Variants in SREK1IP1 observed in about 807,000 individuals in gnomAD.
The protein encoded by SREK1IP1 is SREK1 interacting protein 1, also known as protein SREK1IP1.
Under a neutral mutation model 22.8 loss-of-function variants are expected in SREK1IP1, and 12 were observed. That is an observed-to-expected ratio of 0.53 (90% confidence interval 0.34 to 0.85). The LOEUF (loss-of-function observed/expected upper bound fraction) is 0.85. Among genes scored for constraint, SREK1IP1 ranks in the 40% least tolerant of loss-of-function variants. The probability of loss-of-function intolerance (pLI) is 0.02; values close to 1 mark genes in which losing one functional copy is unlikely to be tolerated. For synonymous variants in SREK1IP1, 53 were observed against 52.7 expected (o/e 1.01, Z -0.02); for missense variants, 147 against 171.8 (o/e 0.86, Z 0.81).
chr5:64,759,836 A>C (rs1742914167), intron 1 of SREK1IP1, among the ~76,000 whole-genome samples: 1 of 152,174 alleles, frequency 6.6e-6, no homozygotes, highest in Non-Finnish European at 1.5e-5. Context: ...AAAGATTGAA[A>C]GGTTGAAGGA....
chr5:64,758,240 C>A (rs1043838634), intron 1 of SREK1IP1, among the ~76,000 whole-genome samples: 19 of 152,182 alleles, frequency 1.2e-4, no homozygotes, highest in Non-Finnish European at 5.9e-5. Flanking sequence ...GTGATCTCAG[C>A]AAACTGCAAC....
chr5:64,758,981 C>T (rs1391526880), intron 1 of SREK1IP1, among the ~76,000 whole-genome samples: 1 of 152,116 alleles, frequency 6.6e-6, no homozygotes, highest in Non-Finnish European at 1.5e-5. Flanking sequence ...ATGCTTCTAC[C>T]CAAGAGTTTG....
At chr5:64,740,714 C>G (rs6449751) in intron 3 of SREK1IP1, among the ~76,000 whole-genome samples, 94,012 of 152,032 alleles carry the variant, frequency 0.62, 30,696 homozygotes, top group African/African-American at 0.84. Flanking sequence ...ATGGTTAAGT[C>G]ACTTGGTGAA....
intron 2 of SREK1IP1, among the ~76,000 whole-genome samples, chr5:64,745,251 T>G (rs1451164596): frequency 6.6e-6 from 1 of 152,156 alleles, no homozygotes; most frequent in Non-Finnish European, 1.5e-5. Context: ...TGGAGCAGAA[T>G]GGTGGGCTTT....
intron 1 of SREK1IP1, among the ~76,000 whole-genome samples, chr5:64,759,392 T>C (rs1185476655): frequency 6.6e-6 from 1 of 152,200 alleles, no homozygotes; most frequent in African/African-American, 2.4e-5. Context: ...TCCCGTGCAG[T>C]TCTTGGCTCC....
intron 1 of SREK1IP1, among the ~76,000 whole-genome samples, chr5:64,762,416 G>C (rs542724923): frequency 8.5e-5 from 13 of 152,080 alleles, no homozygotes; most frequent in African/African-American, 3.1e-4. Flanking sequence ...AACCTATAAA[G>C]ACAATTTCAA....
Position 64,752,144 on chromosome 5 carries a change from G to GTTTTTTT in SREK1IP1, c.61+2170_61+2171insAAAAAAA, listed in dbSNP as rs755420855. On this transcript the variant is annotated intron_variant, in intron 2 of 4. Transcript: ENST00000513458. ...CTCTTTTTCTGTGAATTTTTTTTGT[G>GTTTTTTT]TGTTTTTTTTTTTTTTTTTTTTTTT... Among the ~76,000 whole-genome samples, 31 of 85,442 alleles carry GTTTTTTT rather than the reference G, an allele frequency of 3.6e-4. 3 individuals are homozygous for GTTTTTTT. Among genetic ancestry groups the GTTTTTTT allele is most frequent in the East Asian group, 6.7e-4 (2 of 2,994 alleles). The allele number at this position is 85,442 out of a possible 152,430, so 56.1% of individuals were successfully genotyped here. A position where few individuals can be genotyped will look rare whatever the true frequency, so the allele number is the denominator to read the frequency against.
chr5:64,754,253 C>A (rs1561390695), intron 2 of SREK1IP1, 62 bp downstream of exon 2: 10 of 1,523,672 alleles, frequency 6.6e-6, no homozygotes, highest in Non-Finnish European at 9.1e-6. Context: ...CATTATATTG[C>A]CCAAAGAGGC....
intron 2 of SREK1IP1, among the ~76,000 whole-genome samples, chr5:64,744,923 T>C (rs1467764651): frequency 1.3e-5 from 2 of 152,308 alleles, no homozygotes; most frequent in East Asian, 3.9e-4. Context: ...ACTATACGCA[T>C]TCTTGCTTCT....
chr5:64,753,561 T>C (rs1742785001), intron 2 of SREK1IP1, among the ~76,000 whole-genome samples: 1 of 152,212 alleles, frequency 6.6e-6, no homozygotes, highest in Non-Finnish European at 1.5e-5. Flanking sequence ...TGGAGATTTA[T>C]GCCGAGTACT....
Position 64,741,174 on chromosome 5 carries a change from T to G in SREK1IP1, c.88A>C (p.Asn30His). 6.2e-7 allele frequency: 1 copy of G among 1,611,534 alleles called. No homozygotes were observed. The highest frequency in any genetic ancestry group is 1.1e-5 in the South Asian group (1 of 90,742). Residue 30 changes from asparagine (N) to histidine (H), a missense_variant, in exon 3 of 5, where the codon AAT (asparagine) becomes CAT (histidine). This residue lies in a region of SREK1IP1 where 62 missense variants were observed against 73.3 expected (regional missense o/e 0.85). Coordinates refer to ENST00000513458, the MANE Select transcript of SREK1IP1 (RefSeq NM_173829.4). Reference sequence around the variant, plus strand: ...CTTTTAGGGTCTACTCGGAGAAAATTGCGGCATTCAAAAGTCAGGTGACCA... The same window carrying G: ...CTTTTAGGGTCTACTCGGAGAAAATGGCGGCATTCAAAAGTCAGGTGACCA... Reference protein sequence around the residue: ...YPGHLTFECRNFLRVDPKRDI... With the variant: ...YPGHLTFECRHFLRVDPKRDI...
At chr5:64,760,265 A>T (rs1383560007) in intron 1 of SREK1IP1, among the ~76,000 whole-genome samples, 3 of 152,254 alleles carry the variant, frequency 2.0e-5, no homozygotes, top group Non-Finnish European at 4.4e-5. Flanking sequence ...GAGCACTGTC[A>T]TCTGGGACAA....
intron 1 of SREK1IP1, among the ~76,000 whole-genome samples, chr5:64,766,710 A>G (rs1743037628): frequency 6.6e-6 from 1 of 152,356 alleles, no homozygotes; most frequent in South Asian, 2.1e-4. Flanking sequence ...TGAATGAAGT[A>G]CACAGTCTAG....
intron 2 of SREK1IP1, among the ~76,000 whole-genome samples, chr5:64,745,277 T>C (rs1034345706): frequency 2.6e-5 from 4 of 152,170 alleles, no homozygotes; most frequent in Non-Finnish European, 5.9e-5. Context: ...TTGGTTTGGC[T>C]TGCCTCTTTG....
At chr5:64,727,156 A>G (rs1318644579) in intron 4 of SREK1IP1, among the ~76,000 whole-genome samples, 1 of 152,116 alleles carries the variant, frequency 6.6e-6, no homozygotes, top group Non-Finnish European at 1.5e-5. Flanking sequence ...ATGCTCTATA[A>G]AAACTACAAA....
At chr5:64,743,880 C>T (rs1742590465) in intron 2 of SREK1IP1, among the ~76,000 whole-genome samples, 1 of 152,016 alleles carries the variant, frequency 6.6e-6, no homozygotes, top group Non-Finnish European at 1.5e-5. Flanking sequence ...GAGAGGGCTC[C>T]CCCACTCACA....
intron 3 of SREK1IP1, among the ~76,000 whole-genome samples, chr5:64,739,078 T>C (rs1424589779): frequency 6.6e-6 from 1 of 152,112 alleles, no homozygotes; most frequent in Non-Finnish European, 1.5e-5. Context: ...TGATATGAAG[T>C]TTTATAATGG....
At position 64,720,859 on chromosome 5, in the gene SREK1IP1, C is replaced by T. The variant is rs1742150725; in HGVS notation, c.*3525G>A. 1 of 152,250 alleles carries T rather than the reference C, an allele frequency of 6.6e-6. No individual in the cohort carries two copies. Among genetic ancestry groups the T allele is most frequent in the African/African-American group, 2.4e-5 (1 of 41,458 alleles). The allele number at this position is 152,250 out of a possible 1,614,324, so 9.4% of individuals were successfully genotyped here. On this transcript the variant is annotated 3_prime_UTR_variant, in exon 5 of 5. Coordinates refer to ENST00000513458, the MANE Select transcript of SREK1IP1 (RefSeq NM_173829.4). Reference sequence around the variant, plus strand: ...CATTGCTTACACATTACAGTTCAAGCTCCCAAACACGGAACACACGACTCC... The same window carrying T: ...CATTGCTTACACATTACAGTTCAAGTTCCCAAACACGGAACACACGACTCC...
At chr5:64,763,468 C>A (rs1017275960) in intron 1 of SREK1IP1, among the ~76,000 whole-genome samples, 1 of 151,778 alleles carries the variant, frequency 6.6e-6, no homozygotes, top group African/African-American at 2.4e-5. Flanking sequence ...ACCCGGGAGG[C>A]GGAGGCTGCA....
Sources: gnomAD v4.1 joint callset for allele counts (sites outside exome capture counted in the v4.1 genomes callset) on GRCh38, gnomAD v4.1.1 for gene constraint, gnomAD v4.1.1 regional missense constraint, MANE v1.5 for transcripts, NCBI Gene and HGNC (gene_info 2026-07-23, HGNC 2026-07-21) for gene names.